RBFOX1: variants seen among roughly 807,000 people sequenced by gnomAD.
RBFOX1 encodes the protein RNA binding protein fox-1 homolog 1.
RBFOX1 carries 8 observed loss-of-function variants against 57.7 expected under a neutral mutation model. The observed-to-expected ratio is 0.14, with a 90% CI of 0.08 to 0.25. RBFOX1 has a LOEUF of 0.25. Ranked by LOEUF, RBFOX1 falls within the 10% of genes least tolerant of loss-of-function variation. The pLI, the probability that RBFOX1 is intolerant of heterozygous loss-of-function variation, is 1.00. For synonymous variants in RBFOX1, 326 were observed against 222.4 expected, an observed-to-expected ratio of 1.47 and a Z score of -4.15; for missense variants, 611 against 548.5, an observed-to-expected ratio of 1.11 and a Z score of -1.14.
intron 2 of RBFOX1, chr16:6,483,451 C>G (rs749971737): frequency 7.6e-5 from 117 of 1,535,704 alleles, no homozygotes; most frequent in South Asian, 5.7e-4. Flanking sequence ...GGACTTCTCC[C>G]GTGCTGTGTT....
intron 4 of RBFOX1, among the ~76,000 whole-genome samples, chr16:7,103,114 G>C (rs1243765298): frequency 6.6e-6 from 1 of 151,646 alleles, no homozygotes; most frequent in Non-Finnish European, 1.5e-5. Context: ...AAGTGTGGGT[G>C]CTTTCCAAGC....
intron 4 of RBFOX1, among the ~76,000 whole-genome samples, chr16:5,935,029 A>G (rs1051770886): frequency 6.6e-6 from 1 of 152,202 alleles, no homozygotes; most frequent in African/African-American, 2.4e-5. Flanking sequence ...TCTTTGGGCC[A>G]CATGATTAAA....
At chr16:7,022,518 C>T (rs551835217) in intron 3 of RBFOX1, among the ~76,000 whole-genome samples, 4 of 152,100 alleles carry the variant, frequency 2.6e-5, no homozygotes, top group East Asian at 1.9e-4. Context: ...TCCAGATTCC[C>T]TGTGAGGTCA....
chr16:6,697,409 T>C (rs2061215146), intron 3 of RBFOX1, among the ~76,000 whole-genome samples: 1 of 152,078 alleles, frequency 6.6e-6, no homozygotes, highest in Non-Finnish European at 1.5e-5. Context: ...ACCTTCAACA[T>C]AAAAGGGAAA....
chr16:5,296,571 A>ATTT (rs1567296246), intron 1 of RBFOX1, among the ~76,000 whole-genome samples: 13 of 146,984 alleles, frequency 8.8e-5, no homozygotes, highest in African/African-American at 2.9e-4. Flanking sequence ...AAAAAAAAAA[A>ATTT]ATTTTTTTTT....
chr16:5,812,973 A>G (rs1239961161), intron 3 of RBFOX1, among the ~76,000 whole-genome samples: 1 of 150,098 alleles, frequency 6.7e-6, no homozygotes, highest in Admixed American at 6.6e-5. Context: ...TTATTGTGAT[A>G]CATATACATA....
rs555718023 is a variant in RBFOX1 at position 7,344,559 on chromosome 16, A to G, written c.28-173588A>G. Among the ~76,000 whole-genome samples, 5 of 151,370 alleles carry G rather than the reference A, an allele frequency of 3.3e-5. No homozygotes were observed. In the East Asian group the frequency reaches 9.7e-4, roughly 29 times the overall value. On this transcript the variant is annotated intron_variant, in intron 4 of 15. Coordinates refer to ENST00000550418, the MANE Select transcript of RBFOX1 (RefSeq NM_018723.4). ...GTGTAATACTGTATAATAGTTACAT[A>G]GTAATGATTATATGTAATATAAATG...
At chr16:6,875,022 G>A (rs1021628078) in intron 3 of RBFOX1, among the ~76,000 whole-genome samples, 1 of 152,168 alleles carries the variant, frequency 6.6e-6, no homozygotes, top group African/African-American at 2.4e-5. Context: ...AGAAAATGGG[G>A]AGAAGTTGTG....
At chr16:5,630,798 A>G (rs1207085206) in intron 3 of RBFOX1, among the ~76,000 whole-genome samples, 1 of 152,192 alleles carries the variant, frequency 6.6e-6, no homozygotes, top group East Asian at 1.9e-4. Context: ...AAAAAAGGCA[A>G]TGAGGGAGAT....
intron 3 of RBFOX1, among the ~76,000 whole-genome samples, chr16:6,858,726 T>G (rs2058357560): frequency 6.6e-6 from 1 of 152,138 alleles, no homozygotes; most frequent in Admixed American, 6.5e-5. Flanking sequence ...GCTCAGCCTC[T>G]TTATGGAACA....
At chr16:7,558,913 G>A (rs112474617) in intron 5 of RBFOX1, among the ~76,000 whole-genome samples, 1 of 152,122 alleles carries the variant, frequency 6.6e-6, no homozygotes, top group African/African-American at 2.4e-5. Flanking sequence ...ATGCTAGTGG[G>A]CATTTATGCT....
At chr16:7,119,092 A>T (rs1399467411) in intron 4 of RBFOX1, among the ~76,000 whole-genome samples, 1 of 152,170 alleles carries the variant, frequency 6.6e-6, no homozygotes, top group East Asian at 1.9e-4. Context: ...AAAAGTAAGC[A>T]ACATGCGGAA....
intron 3 of RBFOX1, among the ~76,000 whole-genome samples, chr16:6,724,394 G>T (rs566969966): frequency 6.6e-6 from 1 of 151,968 alleles, no homozygotes; most frequent in Non-Finnish European, 1.5e-5. Context: ...ATTTTTAGTA[G>T]AGACAGGTTT....
At chr16:7,202,524 G>C (rs1381169998) in intron 4 of RBFOX1, among the ~76,000 whole-genome samples, 1 of 152,182 alleles carries the variant, frequency 6.6e-6, no homozygotes, top group Non-Finnish European at 1.5e-5. Context: ...CCAGTCCCTG[G>C]GTCATGTAGT....
At chr16:6,743,033 A>C (rs1365314825) in intron 3 of RBFOX1, among the ~76,000 whole-genome samples, 5 of 152,216 alleles carry the variant, frequency 3.3e-5, no homozygotes, top group Non-Finnish European at 5.9e-5. Flanking sequence ...ATGGGTTACC[A>C]ATGTCACTAG....
chr16:7,202,466 C>T (rs118052023), intron 4 of RBFOX1, among the ~76,000 whole-genome samples: 2,568 of 152,202 alleles, frequency 0.017, 39 homozygotes, highest in Middle Eastern at 0.075. Context: ...TCCAACAATT[C>T]TTATTCTGGA....
chr16:6,726,520 A>C (rs569538857), intron 3 of RBFOX1, among the ~76,000 whole-genome samples: 1 of 152,186 alleles, frequency 6.6e-6, no homozygotes, highest in South Asian at 2.1e-4. Flanking sequence ...AAATCAAAGT[A>C]CAGTGCCTGG....
chr16:6,793,451 C>G (rs1409877008), intron 3 of RBFOX1, among the ~76,000 whole-genome samples: 1 of 152,020 alleles, frequency 6.6e-6, no homozygotes, highest in African/African-American at 2.4e-5. Flanking sequence ...GAGAAATATC[C>G]CTTCATCTCA....
chr16:7,176,502 C>A (rs763548811), intron 4 of RBFOX1, among the ~76,000 whole-genome samples: 1 of 152,010 alleles, frequency 6.6e-6, no homozygotes, highest in Non-Finnish European at 1.5e-5. Flanking sequence ...GGGAAAAATC[C>A]AGCTCTCCTC....
Sources: allele counts gnomAD v4.1 joint callset (sites outside exome capture counted in the v4.1 genomes callset), GRCh38; gene constraint gnomAD v4.1.1; transcripts MANE v1.5; gene names NCBI Gene and HGNC (gene_info 2026-07-23, HGNC 2026-07-21).